PPARGC1A: variants seen among roughly 807,000 people sequenced by gnomAD.
PPARGC1A encodes the protein peroxisome proliferator-activated receptor gamma coactivator 1-alpha.
Under a neutral mutation model 88.7 loss-of-function variants are expected in PPARGC1A, and 25 were observed. The ratio of observed to expected loss-of-function variants is 0.28; its 90% CI spans 0.21 to 0.39. PPARGC1A has a LOEUF of 0.39. Ranked by LOEUF, PPARGC1A falls within the 10% of genes least tolerant of loss-of-function variation. The pLI, the probability that PPARGC1A is intolerant of heterozygous loss-of-function variation, is 1.00. For missense variants in PPARGC1A, 880 were observed against 968.7 expected (o/e 0.91, Z 1.22); for synonymous variants, 363 against 355.6 (o/e 1.02, Z -0.24).
the PPARGC1A span, among the ~76,000 whole-genome samples, chr4:24,333,934 CAACAACAAAAA>C: frequency 7.1e-5 from 1 of 14,146 alleles, no homozygotes; most frequent in African/African-American, 1.5e-4. Context: ...ACTCCAACAA[CAACAACAAAAA>C]AAAAAAAAAA....
At chr4:23,829,747 A>G (rs567992860) in intron 3 of PPARGC1A, 162 bp from the exon 4 acceptor site, 2 of 594,470 alleles carry the variant, frequency 3.4e-6, no homozygotes, top group South Asian at 1.1e-4. Context: ...TACAGGAAAT[A>G]TGATATTTAA....
chr4:24,209,218 C>T, the PPARGC1A span, among the ~76,000 whole-genome samples: 1 of 152,116 alleles, frequency 6.6e-6, no homozygotes, highest in South Asian at 2.1e-4. Context: ...CAGGTTGGAA[C>T]CAAGCCCAGG....
intron 1 of PPARGC1A, among the ~76,000 whole-genome samples, chr4:23,896,108 A>G (rs949141391): frequency 5.3e-5 from 8 of 152,032 alleles, no homozygotes; most frequent in African/African-American, 1.9e-4. Flanking sequence ...TGAAAAAACT[A>G]TAATCATGAA....
At chr4:23,859,625 C>CA (rs745428978) in intron 2 of PPARGC1A, among the ~76,000 whole-genome samples, 2 of 151,388 alleles carry the variant, frequency 1.3e-5, no homozygotes, top group Admixed American at 1.3e-4. Context: ...AGTAAAAATA[C>CA]AAAAAATTAG....
intron 11 of PPARGC1A, 91 bp downstream of exon 11, chr4:23,802,133 T>C (rs1718869328): frequency 1.3e-6 from 2 of 1,555,380 alleles, no homozygotes; most frequent in African/African-American, 2.7e-5. Flanking sequence ...TCAAAGCACT[T>C]ACATTGGCAA....
the PPARGC1A span, among the ~76,000 whole-genome samples, chr4:24,018,880 T>C: frequency 3.3e-5 from 5 of 152,290 alleles, no homozygotes; most frequent in East Asian, 7.7e-4. Flanking sequence ...AAGTATAGCA[T>C]TGTAAGAAAA....
chr4:23,894,770 A>C (rs1033560886), upstream of PPARGC1A, among the ~76,000 whole-genome samples: 2 of 152,166 alleles, frequency 1.3e-5, no homozygotes, highest in African/African-American at 4.8e-5. Context: ...ATCTAAACTT[A>C]AAGCAACAAT....
the PPARGC1A span, among the ~76,000 whole-genome samples, chr4:24,242,741 C>T: frequency 6.6e-6 from 1 of 152,140 alleles, no homozygotes; most frequent in Non-Finnish European, 1.5e-5. Context: ...GTTCTTCAAC[C>T]TCTGCTCTCA....
chr4:23,949,809 G>T, the PPARGC1A span, among the ~76,000 whole-genome samples: 1 of 152,064 alleles, frequency 6.6e-6, no homozygotes, highest in Non-Finnish European at 1.5e-5. Context: ...AGTGGTGGGG[G>T]AATAAAAACA....
the PPARGC1A span, among the ~76,000 whole-genome samples, chr4:24,202,142 C>G: frequency 6.6e-6 from 1 of 152,012 alleles, no homozygotes; most frequent in African/African-American, 2.4e-5. Flanking sequence ...CCTTCCAAAC[C>G]GCTGGGATTG....
the PPARGC1A span, among the ~76,000 whole-genome samples, chr4:23,928,771 A>AAAAAAAAAAAAAAAAAAAAAAAAAAAAAC: frequency 4.3e-4 from 1 of 2,344 alleles, no homozygotes; most frequent in Non-Finnish European, 1.3e-3. Context: ...CAAAAAAAAC[A>AAAAAAAAAAAAAAAAAAAAAAAAAAAAAC]AAAAAAAACA....
the PPARGC1A span, among the ~76,000 whole-genome samples, chr4:24,441,935 T>C: frequency 6.6e-6 from 1 of 152,198 alleles, no homozygotes; most frequent in Non-Finnish European, 1.5e-5. Context: ...AGCATCAGAA[T>C]GAAAAAGAAA....
At chr4:24,330,471 C>T in the PPARGC1A span, among the ~76,000 whole-genome samples, 2 of 152,130 alleles carry the variant, frequency 1.3e-5, no homozygotes, top group Admixed American at 1.3e-4. Context: ...CATGCCAGCC[C>T]GGGTGCCAGG....
the PPARGC1A span, among the ~76,000 whole-genome samples, chr4:24,393,076 A>G: frequency 6.6e-6 from 1 of 151,342 alleles, no homozygotes. Context: ...CTTTGGCTTT[A>G]CCTTACCTTA....
intron 2 of PPARGC1A, among the ~76,000 whole-genome samples, chr4:23,862,290 C>T (rs4496570): frequency 6.6e-6 from 1 of 152,180 alleles, no homozygotes; most frequent in East Asian, 1.9e-4. Context: ...AATCAGGGAA[C>T]ACTTCCTGAA....
At chr4:23,972,169 A>G in the PPARGC1A span, among the ~76,000 whole-genome samples, 1 of 152,230 alleles carries the variant, frequency 6.6e-6, no homozygotes, top group Non-Finnish European at 1.5e-5. Flanking sequence ...GTAAAACATC[A>G]GAGGTGGTGC....
At chr4:24,094,907 A>G in the PPARGC1A span, among the ~76,000 whole-genome samples, 1 of 152,214 alleles carries the variant, frequency 6.6e-6, no homozygotes, top group Non-Finnish European at 1.5e-5. Flanking sequence ...ACTCTGGCCA[A>G]ACCACGACAC....
At chr4:23,897,384 C>A (rs1176850454) in intron 1 of PPARGC1A, among the ~76,000 whole-genome samples, 2 of 152,100 alleles carry the variant, frequency 1.3e-5, no homozygotes, top group Admixed American at 6.6e-5. Flanking sequence ...AAGAACATGG[C>A]CCTCATTCAG....
the PPARGC1A span, among the ~76,000 whole-genome samples, chr4:24,052,221 C>T: frequency 1.3e-5 from 2 of 152,108 alleles, no homozygotes; most frequent in Admixed American, 6.6e-5. Flanking sequence ...AGTAGGCATT[C>T]AGATGTTCTC....
Sources: gnomAD v4.1 joint callset for allele counts (sites outside exome capture counted in the v4.1 genomes callset) on GRCh38, gnomAD v4.1.1 for gene constraint, MANE v1.5 for transcripts, NCBI Gene and HGNC (gene_info 2026-07-23, HGNC 2026-07-21) for gene names.